Variants in ADARB2 observed in about 807,000 individuals in gnomAD.
The protein encoded by ADARB2 is adenosine deaminase RNA specific B2 (inactive).
Under a neutral mutation model 62.2 loss-of-function variants are expected in ADARB2, and 25 were observed. The ratio of observed to expected loss-of-function variants is 0.40; its 90% CI spans 0.29 to 0.56. The LOEUF (loss-of-function observed/expected upper bound fraction) is 0.56. Ranked by LOEUF, ADARB2 falls within the 20% of genes least tolerant of loss-of-function variation. The probability of loss-of-function intolerance (pLI) is 0.43; values close to 1 mark genes in which losing one functional copy is unlikely to be tolerated. For synonymous variants in ADARB2, 572 were observed against 500.8 expected, an observed-to-expected ratio of 1.14 and a Z score of -1.90; for missense variants, 1,071 against 1,077.4, an observed-to-expected ratio of 0.99 and a Z score of 0.08.
chr10:1,440,719 T>C (rs1211332706), intron 1 of ADARB2, among the ~76,000 whole-genome samples: 1 of 152,214 alleles, frequency 6.6e-6, no homozygotes, highest in Non-Finnish European at 1.5e-5. Context: ...ATGAGCCAAG[T>C]GTTAACTGTA....
At chr10:1,392,055 C>T (rs1193422907) in intron 1 of ADARB2, among the ~76,000 whole-genome samples, 2 of 152,066 alleles carry the variant, frequency 1.3e-5, no homozygotes, top group African/African-American at 2.4e-5. Flanking sequence ...TGTGAGCCCC[C>T]GTGCCTGGTC....
Position 1,627,698 on chromosome 10 carries a change from G to T in ADARB2, c.100+109353C>A, listed in dbSNP as rs933947970. On this transcript the variant is annotated intron_variant, in intron 1 of 9. Transcript: ENST00000381312. ...ACAGATTACACTAGAAAGAGACATA[G>T]GGGTTTTCTCTGGCTTTTCTCTCTC... Among the ~76,000 whole-genome samples, 3 of 152,212 alleles carry T rather than the reference G, an allele frequency of 2.0e-5. No homozygotes were observed. In the East Asian group the frequency reaches 5.8e-4, roughly 29 times the overall value.
At chr10:1,266,590 C>T (rs548996428) in intron 4 of ADARB2, among the ~76,000 whole-genome samples, 2 of 152,220 alleles carry the variant, frequency 1.3e-5, no homozygotes, top group Non-Finnish European at 2.9e-5. Context: ...CCCATCTGGG[C>T]GGGAGCCTGT....
chr10:1,647,266 C>T (rs1444323028), intron 1 of ADARB2, among the ~76,000 whole-genome samples: 1 of 152,190 alleles, frequency 6.6e-6, no homozygotes. Flanking sequence ...TTGCATGAGT[C>T]ACTATTTTCT....
chr10:1,362,472 T>A (rs897468106), intron 3 of ADARB2, among the ~76,000 whole-genome samples: 1 of 152,208 alleles, frequency 6.6e-6, no homozygotes, highest in Admixed American at 6.5e-5. Context: ...AATCGCAGGT[T>A]AGAAGGCGGA....
chr10:1,419,562 C>A (rs1331461693), intron 1 of ADARB2, among the ~76,000 whole-genome samples: 1 of 152,150 alleles, frequency 6.6e-6, no homozygotes, highest in Non-Finnish European at 1.5e-5. Flanking sequence ...CCTCACTGGG[C>A]GGAACCGGTA....
chr10:1,404,255 G>A (rs1832687944), intron 1 of ADARB2, among the ~76,000 whole-genome samples: 2 of 149,388 alleles, frequency 1.3e-5, no homozygotes, highest in African/African-American at 4.9e-5. Context: ...ATGAGAGCAG[G>A]ACACAGGGAA....
In ADARB2 at chr10:1,734,994, T is replaced by C. The variant is rs1835283182; in HGVS notation, c.100+2057A>G. ...ATTATTTAATGTGTCTCTTAGCTGG[T>C]TACTTTACCTTTTAATTTGATCAGT... On this transcript the variant is annotated intron_variant, in intron 1 of 9. Transcript: ENST00000381312. Among the ~76,000 whole-genome samples, 4 of 152,222 alleles carry C rather than the reference T, an allele frequency of 2.6e-5. No homozygotes were observed. In the South Asian group the frequency reaches 6.2e-4, roughly 24 times the overall value.
At chr10:1,696,291 T>C (rs2119134281) in intron 1 of ADARB2, among the ~76,000 whole-genome samples, 1 of 152,288 alleles carries the variant, frequency 6.6e-6, no homozygotes, top group South Asian at 2.1e-4. Flanking sequence ...TGCACGTGTG[T>C]TGTGCTTTGC....
intron 1 of ADARB2, among the ~76,000 whole-genome samples, chr10:1,658,215 T>C (rs1834197328): frequency 6.6e-6 from 1 of 152,040 alleles, no homozygotes; most frequent in South Asian, 2.1e-4. Context: ...TGTCTCTCTC[T>C]GTCTCTATCT....
chr10:1,735,746 C>T (rs554931770), intron 1 of ADARB2, among the ~76,000 whole-genome samples: 2 of 152,238 alleles, frequency 1.3e-5, no homozygotes, highest in African/African-American at 4.8e-5. Context: ...AAACCAAAGG[C>T]TCCAAAACCT....
chr10:1,605,504 G>A lies in ADARB2; in HGVS notation c.100+131547C>T, dbSNP rs141337621. Among the ~76,000 whole-genome samples, 861 of 152,304 alleles carry A rather than the reference G, an allele frequency of 5.7e-3. 8 individuals are homozygous for A. Among genetic ancestry groups the A allele is most frequent in the African/African-American group, 0.019 (799 of 41,570 alleles). On this transcript the variant is annotated intron_variant, in intron 1 of 9. Coordinates refer to ENST00000381312, the MANE Select transcript of ADARB2 (RefSeq NM_018702.4). The stretch of plus-strand genomic sequence containing the variant: ...GATTTAGGATTCAGTAAAAAGTCCA[G>A]GGTGACCATTTCCTACTGCACTTGC...
rs761764603 is a variant in ADARB2 at position 1,659,827 on chromosome 10, GCGACCCA to G, written c.100+77217_100+77223del. 4.3e-3 allele frequency among the ~76,000 whole-genome samples: 637 copies of G among 147,628 alleles called. 98 individuals carry two copies. The highest frequency in any genetic ancestry group is 0.02 in the East Asian group (89 of 4,472). Reference sequence around the variant, plus strand: ...TTCCTCCATTGCCTGCCCTGCCTGGGCGACCCATCATGCTGCTTCTGGGTTCATCTGC... The same window carrying G: ...TTCCTCCATTGCCTGCCCTGCCTGGGTCATGCTGCTTCTGGGTTCATCTGC... On this transcript the variant is annotated intron_variant, in intron 1 of 9. Transcript: ENST00000381312.
chr10:1,432,368 G>T (rs1257572155), intron 1 of ADARB2, among the ~76,000 whole-genome samples: 2 of 151,950 alleles, frequency 1.3e-5, no homozygotes, highest in African/African-American at 2.4e-5. Context: ...GTCAGTCAAG[G>T]GCTGGCTGGC....
chr10:1,408,391 A>T (rs1832725528), intron 1 of ADARB2, among the ~76,000 whole-genome samples: 1 of 152,198 alleles, frequency 6.6e-6, no homozygotes, highest in Non-Finnish European at 1.5e-5. Flanking sequence ...ATTATTAAGG[A>T]TGCTGCACTG....
chr10:1,280,487 G>A (rs1329772479), intron 3 of ADARB2, among the ~76,000 whole-genome samples: 1 of 152,228 alleles, frequency 6.6e-6, no homozygotes, highest in Non-Finnish European at 1.5e-5. Flanking sequence ...TGTGTGACCA[G>A]GGCTGCCTGT....
intron 3 of ADARB2, among the ~76,000 whole-genome samples, chr10:1,276,146 C>A (rs1831314205): frequency 6.6e-6 from 1 of 152,126 alleles, no homozygotes; most frequent in South Asian, 2.1e-4. Flanking sequence ...GTTCCTATTT[C>A]TCCACATCCT....
rs1696506265 is a variant in ADARB2, at chr10:1,242,145, C to T, written c.1347G>A (p.Leu449=). 4.4e-6 allele frequency: 7 copies of T among 1,607,962 alleles called. No homozygotes were observed. Among genetic ancestry groups the T allele is most frequent in the Non-Finnish European group, 5.9e-6 (7 of 1,179,048 alleles). The part of the protein sequence containing the change: ...RAFLHFLYTQ[L]ELHLSKRRED... ...CAGCCGCTCACCTCAGGTGCAGCTC[C>T]AGCTGCGTGTAGAGGAAGTGCAGGA... is the stretch of plus-strand genomic sequence containing the variant. Residue 449 remains leucine (L), a synonymous_variant, in exon 5 of 10, where the codon CTG becomes CTA. Coordinates refer to ENST00000381312, the MANE Select transcript of ADARB2 (RefSeq NM_018702.4).
intron 1 of ADARB2, among the ~76,000 whole-genome samples, chr10:1,600,487 C>T (rs1228000652): frequency 6.6e-6 from 1 of 151,926 alleles, no homozygotes; most frequent in African/African-American, 2.4e-5. Context: ...ATGGCGAAAG[C>T]CCCGTCTCTA....
Sources: gnomAD v4.1 joint callset for allele counts (sites outside exome capture counted in the v4.1 genomes callset) on GRCh38, gnomAD v4.1.1 for gene constraint, MANE v1.5 for transcripts, NCBI Gene and HGNC (gene_info 2026-07-23, HGNC 2026-07-21) for gene names.